KNTC1: variants seen among roughly 807,000 people sequenced by gnomAD.
KNTC1 encodes the protein kinetochore-associated protein 1.
KNTC1 carries 253 observed loss-of-function variants against 314.4 expected under a neutral mutation model. The ratio of observed to expected loss-of-function variants is 0.80; its 90% confidence interval spans 0.73 to 0.89. KNTC1 has a LOEUF of 0.89. KNTC1 is among the 40% of genes least tolerant of loss of function. The pLI is 0.00. For synonymous variants in KNTC1, 901 were observed against 901.4 expected, an observed-to-expected ratio of 1.00 and a Z score of 0.01; for missense variants, 2,475 against 2,572.9, an observed-to-expected ratio of 0.96 and a Z score of 0.82.
At chr12:122,580,006 A>C in intron 32 of KNTC1, 29 bp downstream of exon 32, 1 of 1,479,584 alleles carries the variant, frequency 6.8e-7, no homozygotes. Context: ...TTCTCATCTC[A>C]GTTTTGTTCC....
chr12:122,561,849 AC>A (rs1218875353), intron 18 of KNTC1, 71 bp from the exon 19 acceptor site: 1 of 1,320,338 alleles, frequency 7.6e-7, no homozygotes, highest in African/African-American at 1.5e-5. Flanking sequence ...TTGTTATTTC[AC>A]AGAAAATCCA....
At chr12:122,564,960 GTGCAGTTGCT>G (rs1168347167) in intron 20 of KNTC1, among the ~76,000 whole-genome samples, 1 of 152,116 alleles carries the variant, frequency 6.6e-6, no homozygotes, top group Non-Finnish European at 1.5e-5. Flanking sequence ...ATTTCTGGAG[GTGCAGTTGCT>G]AAGGCAAAAG....
Position 122,610,845 on chromosome 12 carries a change from G to T in KNTC1, c.5567G>T (p.Arg1856Leu), listed in dbSNP as rs367873698. 1.2e-6 allele frequency: 2 copies of T among 1,612,816 alleles called. No individual in the cohort carries two copies. The highest frequency in any genetic ancestry group is 1.7e-5 in the Admixed American group (1 of 59,988). Residue 1856 changes from arginine to leucine, a missense_variant, in exon 53 of 64, where the codon CGT (arginine) becomes CTT (leucine). By Grantham distance (102) the Arg-to-Leu change is moderately radical. Transcript: ENST00000333479. ...AGAGTGCAGTATCTCCTCCTGTCTC[G>T]TCCAATTGATTATAGTTCAAGAATG... ...LRRVQYLLLSRPIDYSSRMLF... is the reference protein window; with the variant it reads ...LRRVQYLLLSLPIDYSSRMLF...
At chr12:122,597,998 A>T in intron 44 of KNTC1, 60 bp downstream of exon 44, 3 of 1,232,898 alleles carry the variant, frequency 2.4e-6, no homozygotes, top group Non-Finnish European at 3.6e-6. Flanking sequence ...CTTAATAATT[A>T]GATACATTAG....
intron 16 of KNTC1, among the ~76,000 whole-genome samples, chr12:122,554,808 CT>C (rs780454453): frequency 2.0e-5 from 3 of 152,140 alleles, no homozygotes; most frequent in Admixed American, 6.6e-5. Context: ...GAAACAGAAC[CT>C]GAAATTTGAG....
At chr12:122,554,076 A>AAAT (rs370146333) in intron 16 of KNTC1, among the ~76,000 whole-genome samples, 5,157 of 108,924 alleles carry the variant, frequency 0.047, 138 homozygotes, top group Non-Finnish European at 0.057. Context: ...AAAAAAAAAA[A>AAAT]ATATATATAT....
Position 122,590,595 on chromosome 12 carries a change from T to G in KNTC1, c.4000-12T>G. 1 of 1,592,834 alleles carries G rather than the reference T, an allele frequency of 6.3e-7. No individual in the cohort carries two copies. The highest frequency in any genetic ancestry group is 8.6e-7 in the Non-Finnish European group (1 of 1,168,320). ...TGAAGAATTTGCTTCTTTTGCTGGT[T>G]TCTTCCTGTAGGTATTTAATTGTCG... is the stretch of plus-strand genomic sequence containing the variant. On this transcript the variant is annotated splice_polypyrimidine_tract_variant and intron_variant, in intron 40 of 63. Transcript: ENST00000333479.
At chr12:122,617,403 A>G (rs898008352) in intron 57 of KNTC1, 4 of 450,848 alleles carry the variant, frequency 8.9e-6, no homozygotes, top group Non-Finnish European at 1.8e-5. Flanking sequence ...CTTTAAATGT[A>G]TAGAGATGGA....
chr12:122,599,266 A>G (rs1008391747), intron 44 of KNTC1, among the ~76,000 whole-genome samples: 2 of 151,966 alleles, frequency 1.3e-5, no homozygotes, highest in Non-Finnish European at 2.9e-5. Context: ...GCTTCTGCTC[A>G]GTATTTGTTT....
chr12:122,538,437 C>G lies in KNTC1; in HGVS notation c.349C>G (p.Gln117Glu). 1 of 1,567,142 alleles carries G rather than the reference C, an allele frequency of 6.4e-7. No homozygotes were observed. The change falls in exon 4 of 64, where the codon CAA becomes GAA. Residue 117 changes from glutamine (Q) to glutamate (E), a missense_variant. Coordinates refer to ENST00000333479, the MANE Select transcript of KNTC1 (RefSeq NM_014708.6). The part of the protein sequence containing the change: ...NLHLIHVTSK[Q>E]TLLTNAFVQK... ...ACATCTTATTCATGTAACATCAAAA[C>G]AAACACTACTCACTAATGTAAGATC... is the stretch of plus-strand genomic sequence containing the variant.
At chr12:122,533,751 AG>A (rs34278160) in intron 2 of KNTC1, among the ~76,000 whole-genome samples, 1 of 150,568 alleles carries the variant, frequency 6.6e-6, no homozygotes, top group African/African-American at 2.5e-5. Flanking sequence ...GGAATTTTCA[AG>A]GATTACACCT....
intron 63 of KNTC1, among the ~76,000 whole-genome samples, chr12:122,625,298 G>A (rs1186216564): frequency 6.6e-6 from 1 of 152,138 alleles, no homozygotes; most frequent in Non-Finnish European, 1.5e-5. Context: ...AGCTACTCGG[G>A]AGGCTGAGGC....
rs1011381125 is a variant in KNTC1 at position 122,575,475 on chromosome 12, T to C, written c.2383-68T>C. ...TTGATGTAAGACCTGCTGATTAGAC[T>C]GTGCTGTTCACTTGCATGCATCGTA... On this transcript the variant is annotated intron_variant, in intron 27 of 63. Coordinates refer to ENST00000333479, the MANE Select transcript of KNTC1 (RefSeq NM_014708.6). 25 of 994,564 alleles carry C rather than the reference T, an allele frequency of 2.5e-5. No individual in the cohort carries two copies. The African/African-American group carries it at 3.2e-4, about 13-fold the overall frequency. The allele number at this position is 994,564 out of a possible 1,614,324, so 61.6% of individuals were successfully genotyped here. A position where few individuals can be genotyped will look rare whatever the true frequency, so the allele number is the denominator to read the frequency against.
At chr12:122,588,618 G>A in intron 39 of KNTC1, 94 bp from the exon 40 acceptor site, 1 of 902,556 alleles carries the variant, frequency 1.1e-6, no homozygotes, top group South Asian at 2.6e-5. Context: ...TGGATATAAT[G>A]ATGAATTTTC....
At chr12:122,543,403 A>AG (rs1048410465) in intron 6 of KNTC1, among the ~76,000 whole-genome samples, 197 bp from the exon 7 acceptor site, 5 of 152,204 alleles carry the variant, frequency 3.3e-5, no homozygotes, top group African/African-American at 7.2e-5. Context: ...TGGTAAGGGT[A>AG]GGTATGGAGA....
At chr12:122,530,806 G>A (rs987198563) in intron 2 of KNTC1, among the ~76,000 whole-genome samples, 1 of 152,142 alleles carries the variant, frequency 6.6e-6, no homozygotes, top group African/African-American at 2.4e-5. Flanking sequence ...TAGAGTTGAA[G>A]GCTCTGAGGG....
In KNTC1 at chr12:122,587,865, G is replaced by T. The variant is rs1482721043; in HGVS notation, c.3885G>T (p.Leu1295Phe). ...TGTCAAACTTCATGAATGCCACTTT[G>T]AGTGAAAAGGTATAGTGTCAAGAAC... Reference protein sequence around the residue: ...HSVSNFMNATLSEKLFGETTL... With the variant: ...HSVSNFMNATFSEKLFGETTL... The change falls in exon 39 of 64, where the codon TTG becomes TTT. Residue 1295 changes from leucine to phenylalanine, a missense_variant. Physicochemically the swap from Leu to Phe is conservative, Grantham distance 22. Transcript: ENST00000333479. The T allele has an allele frequency of 6.2e-7, 1 of 1,613,272 alleles. No individual in the cohort carries two copies.
chr12:122,587,961 A>G (rs147293689), intron 39 of KNTC1, 87 bp downstream of exon 39: 91 of 1,133,986 alleles, frequency 8.0e-5, no homozygotes, highest in East Asian at 3.4e-4. Flanking sequence ...ACGTTTTCCT[A>G]TTGTCTTTGT....
chr12:122,573,945 A>G (rs531045338), intron 26 of KNTC1, among the ~76,000 whole-genome samples: 1 of 152,288 alleles, frequency 6.6e-6, no homozygotes, highest in South Asian at 2.1e-4. Context: ...TACTTTCTTC[A>G]AAGGGCTATT....
Sources: allele counts gnomAD v4.1 joint callset (sites outside exome capture counted in the v4.1 genomes callset), GRCh38; gene constraint gnomAD v4.1.1; transcripts MANE v1.5; gene names NCBI Gene and HGNC (gene_info 2026-07-23, HGNC 2026-07-21).